SEC23B: variants seen among roughly 807,000 people sequenced by gnomAD.
The protein encoded by SEC23B is SEC23 homolog B, COPII component.
Under a neutral mutation model 104.3 loss-of-function variants are expected in SEC23B, and 77 were observed. The ratio of observed to expected loss-of-function variants is 0.74; its 90% CI spans 0.61 to 0.89. SEC23B has a LOEUF of 0.89. Among genes scored for constraint, SEC23B ranks in the 40% least tolerant of loss-of-function variants. The probability of loss-of-function intolerance (pLI) is 0.00; values close to 1 mark genes in which losing one functional copy is unlikely to be tolerated. For missense variants in SEC23B, 885 were observed against 949.4 expected, an observed-to-expected ratio of 0.93 and a Z score of 0.89; for synonymous variants, 338 against 332.5, an observed-to-expected ratio of 1.02 and a Z score of -0.18.
chr20:18,512,236 A>G lies in SEC23B; in HGVS notation c.233A>G (p.Tyr78Cys), dbSNP rs758640105. ...TATCTTTCTCACAGTCAGGTTGATTATCGAGCAAAACTTTGGGCCTGTAAT... is the reference window on the plus strand; with the variant it reads ...TATCTTTCTCACAGTCAGGTTGATTGTCGAGCAAAACTTTGGGCCTGTAAT... Reference protein sequence around the residue: ...AVLNPLCQVDYRAKLWACNFC... With the variant: ...AVLNPLCQVDCRAKLWACNFC... The change falls in exon 3 of 20, where the codon TAT (tyrosine) becomes TGT (cysteine). Residue 78 changes from tyrosine (Y) to cysteine (C), a missense_variant. Tyr to Cys is a radical substitution (Grantham distance 194). Transcript: ENST00000650089. 2 of 1,591,558 alleles carry G rather than the reference A, an allele frequency of 1.3e-6. No homozygotes were observed. The highest frequency in any genetic ancestry group is 1.7e-5 in the Admixed American group (1 of 59,868).
intron 4 of SEC23B, 183 bp downstream of exon 4, chr20:18,515,919 A>G: frequency 1.6e-6 from 1 of 620,268 alleles, no homozygotes. Context: ...ACATTATAGA[A>G]GGCTACTAAA....
At chr20:18,538,752 T>G (rs931261878) in intron 12 of SEC23B, among the ~76,000 whole-genome samples, 1 of 152,182 alleles carries the variant, frequency 6.6e-6, no homozygotes, top group Admixed American at 6.5e-5. Context: ...AATCTTGTCA[T>G]TTCAACAGTG....
intron 6 of SEC23B, 46 bp downstream of exon 6, chr20:18,525,066 AGAT>A (rs1025865079): frequency 1.3e-6 from 2 of 1,504,002 alleles, no homozygotes; most frequent in Non-Finnish European, 1.9e-6. Flanking sequence ...ATGGACATGC[AGAT>A]GATCCATGGG....
rs1459864187 is a variant in SEC23B, at chr20:18,554,277, G to A, written c.2035G>A (p.Glu679Lys). The change falls in exon 18 of 20, where the codon GAG becomes AAG. Residue 679 changes from glutamate (E) to lysine (K), a missense_variant. Glu to Lys is a moderately conservative substitution (Grantham distance 56). Transcript: ENST00000650089. ...TAAAGCTGGCTACCAGGACATGCCC[G>A]AGTATGAAAACTTCAAGCACCTTCT... ...WRKAGYQDMP[E>K]YENFKHLLQA... is the part of the protein sequence containing the mutation. The A allele has an allele frequency of 1.1e-5, 17 of 1,614,050 alleles. No homozygotes were observed. The highest frequency in any genetic ancestry group is 3.3e-5 in the South Asian group (3 of 91,088).
chr20:18,517,710 G>C (rs1466895376), intron 4 of SEC23B, among the ~76,000 whole-genome samples: 1 of 152,198 alleles, frequency 6.6e-6, no homozygotes, highest in Non-Finnish European at 1.5e-5. Flanking sequence ...CAGTGGGAGA[G>C]ATTCAACTGA....
intron 3 of SEC23B, 95 bp from the exon 4 acceptor site, chr20:18,515,555 C>A: frequency 1.3e-6 from 1 of 753,412 alleles, no homozygotes; most frequent in Non-Finnish European, 2.4e-6. Context: ...TCAAGTGTTC[C>A]TCTCGTCTTG....
intron 19 of SEC23B, among the ~76,000 whole-genome samples, chr20:18,558,134 T>C (rs766421121): frequency 2.8e-4 from 43 of 152,202 alleles, no homozygotes; most frequent in Non-Finnish European, 4.6e-4. Flanking sequence ...GACGTCCCTT[T>C]CATTTCTGAA....
chr20:18,512,359 T>A, intron 3 of SEC23B, 77 bp downstream of exon 3: 1 of 939,074 alleles, frequency 1.1e-6, no homozygotes, highest in South Asian at 1.4e-5. Context: ...TAGGTTGAAT[T>A]TGTGTTTACA....
At chr20:18,557,754 T>TG (rs1170097908) in intron 19 of SEC23B, among the ~76,000 whole-genome samples, 2 of 148,338 alleles carry the variant, frequency 1.3e-5, no homozygotes, top group African/African-American at 4.9e-5. Context: ...TCTTTTTTTT[T>TG]TTTTTTTGTT....
chr20:18,533,405 T>C (rs921197864), intron 11 of SEC23B, among the ~76,000 whole-genome samples: 1 of 152,156 alleles, frequency 6.6e-6, no homozygotes, highest in African/African-American at 2.4e-5. Context: ...CTTCCCTCAT[T>C]GTCACCATCA....
chr20:18,559,720 T>C (rs2060475047), intron 19 of SEC23B, among the ~76,000 whole-genome samples: 1 of 152,184 alleles, frequency 6.6e-6, no homozygotes, highest in Non-Finnish European at 1.5e-5. Context: ...TTTGCCAGCT[T>C]CCTCAGCTCC....
intron 12 of SEC23B, among the ~76,000 whole-genome samples, chr20:18,539,917 T>A (rs1461809514): frequency 1.3e-5 from 2 of 152,206 alleles, no homozygotes; most frequent in Non-Finnish European, 2.9e-5. Context: ...GTGCTGGGAT[T>A]ACAGGCGTAA....
chr20:18,515,760 A>T, intron 4 of SEC23B, 24 bp downstream of exon 4: 1 of 1,339,416 alleles, frequency 7.5e-7, no homozygotes, highest in Non-Finnish European at 1.1e-6. Context: ...TGTGCATTTA[A>T]TGAGCAATGT....
chr20:18,555,354 A>G (rs1454129103), intron 19 of SEC23B, among the ~76,000 whole-genome samples, 181 bp downstream of exon 19: 1 of 151,584 alleles, frequency 6.6e-6, no homozygotes, highest in African/African-American at 2.4e-5. Context: ...CCGGAGGTTG[A>G]GGGGGCTCCC....
intron 14 of SEC23B, among the ~76,000 whole-genome samples, chr20:18,545,431 TG>T (rs1226929113): frequency 6.6e-6 from 1 of 152,160 alleles, no homozygotes; most frequent in Non-Finnish European, 1.5e-5. Context: ...CCAGATTTTG[TG>T]GGAAGAAAGT....
chr20:18,511,380 T>G (rs1246684867), intron 2 of SEC23B, among the ~76,000 whole-genome samples: 1 of 152,158 alleles, frequency 6.6e-6, no homozygotes, highest in Non-Finnish European at 1.5e-5. Context: ...CCTCTTAAAG[T>G]AATTTCCCAG....
intron 11 of SEC23B, among the ~76,000 whole-genome samples, chr20:18,534,929 C>T (rs1412807580): frequency 1.3e-5 from 2 of 152,122 alleles, no homozygotes; most frequent in Admixed American, 1.3e-4. Flanking sequence ...TGCCTTTTTC[C>T]TGAGCACAGC....
At chr20:18,513,927 C>T (rs1454603276) in intron 3 of SEC23B, among the ~76,000 whole-genome samples, 1 of 152,178 alleles carries the variant, frequency 6.6e-6, no homozygotes, top group Admixed American at 6.5e-5. Flanking sequence ...CTGCCTGTGC[C>T]TCAACTTCCT....
intron 14 of SEC23B, among the ~76,000 whole-genome samples, chr20:18,544,619 T>C (rs2060315957): frequency 6.6e-6 from 1 of 152,144 alleles, no homozygotes; most frequent in South Asian, 2.1e-4. Context: ...ATTGGGGAGC[T>C]CCTTAACTTT....
Sources: allele counts gnomAD v4.1 joint callset (sites outside exome capture counted in the v4.1 genomes callset), GRCh38; gene constraint gnomAD v4.1.1; transcripts MANE v1.5; gene names NCBI Gene and HGNC (gene_info 2026-07-23, HGNC 2026-07-21).